BIK: variants seen among roughly 807,000 people sequenced by gnomAD.
BIK encodes the protein bcl-2-interacting killer.
In BIK, 14 loss-of-function variants were observed where a neutral mutation model predicts 12.1. That is an observed-to-expected ratio of 1.16 (90% confidence interval 0.77 to 1.81). The LOEUF (loss-of-function observed/expected upper bound fraction) is 1.81, where lower values mean the gene tolerates loss of function less well. Ranked by LOEUF, BIK falls within the 40% of genes most tolerant of loss-of-function variation. The pLI, the probability that BIK is intolerant of heterozygous loss-of-function variation, is 0.00. For missense variants in BIK, 215 were observed against 207.9 expected (o/e 1.03, Z -0.21); for synonymous variants, 86 against 92.3 (o/e 0.93, Z 0.39).
At chr22:43,124,750 G>A (rs1447155113) in intron 2 of BIK, among the ~76,000 whole-genome samples, 1 of 152,030 alleles carries the variant, frequency 6.6e-6, no homozygotes, top group Non-Finnish European at 1.5e-5. Flanking sequence ...AAAGTAGCTG[G>A]GCCTGGTGGC....
At chr22:43,127,912 G>A in intron 3 of BIK, 117 bp downstream of exon 3, 1 of 872,228 alleles carries the variant, frequency 1.1e-6, no homozygotes, top group Non-Finnish European at 1.6e-6. Context: ...GATGTGCCTT[G>A]ACACTGGGGC....
chr22:43,122,063 G>A (rs969887990), intron 1 of BIK, among the ~76,000 whole-genome samples: 27 of 152,234 alleles, frequency 1.8e-4, no homozygotes, highest in African/African-American at 4.8e-4. Flanking sequence ...AAAGCAAGTC[G>A]TGAGCACACA....
chr22:43,119,975 AAAT>A (rs1259331625), intron 1 of BIK, among the ~76,000 whole-genome samples: 1 of 152,160 alleles, frequency 6.6e-6, no homozygotes, highest in Non-Finnish European at 1.5e-5. Context: ...TCTGTGAAAA[AAAT>A]AATAATAAAA....
intron 1 of BIK, among the ~76,000 whole-genome samples, chr22:43,113,565 C>T (rs1163604727): frequency 2.6e-5 from 4 of 152,054 alleles, no homozygotes; most frequent in Admixed American, 6.6e-5. Flanking sequence ...AAAAAAATTA[C>T]GTCTTGTGTC....
intron 2 of BIK, among the ~76,000 whole-genome samples, chr22:43,127,339 C>T (rs1249334637): frequency 6.6e-6 from 1 of 152,102 alleles, no homozygotes; most frequent in Non-Finnish European, 1.5e-5. Flanking sequence ...ACCACCAGAC[C>T]TGTCCATTCC....
chr22:43,119,476 G>A (rs1212428842), intron 1 of BIK, among the ~76,000 whole-genome samples: 1 of 152,082 alleles, frequency 6.6e-6, no homozygotes, highest in Admixed American at 6.6e-5. Flanking sequence ...CTCTCTTAGC[G>A]GTTTACTCTG....
intron 1 of BIK, among the ~76,000 whole-genome samples, chr22:43,117,056 T>C (rs1930129020): frequency 6.6e-6 from 1 of 152,206 alleles, no homozygotes; most frequent in Non-Finnish European, 1.5e-5. Flanking sequence ...GCCTTAGCTC[T>C]GAAAGCCGCA....
intron 1 of BIK, among the ~76,000 whole-genome samples, chr22:43,112,459 A>C (rs961826150): frequency 6.6e-6 from 1 of 151,492 alleles, no homozygotes; most frequent in Non-Finnish European, 1.5e-5. Flanking sequence ...TCAGCCTCCC[A>C]AAGTGCTGGG....
intron 1 of BIK, among the ~76,000 whole-genome samples, chr22:43,120,027 G>A (rs1204693665): frequency 6.8e-6 from 1 of 148,100 alleles, no homozygotes; most frequent in East Asian, 1.9e-4. Context: ...GTAGGCATGG[G>A]CCGGTCTGAG....
At chr22:43,120,475 G>A (rs959839991) in intron 1 of BIK, among the ~76,000 whole-genome samples, 9 of 152,170 alleles carry the variant, frequency 5.9e-5, no homozygotes, top group African/African-American at 1.2e-4. Context: ...GGCGTGAGCC[G>A]CACTGCACCA....
Position 43,128,578 on chromosome 22 carries a change from AAGG to A in BIK, c.346_348del (p.Glu116del). On this transcript the variant is annotated inframe_deletion, in exon 4 of 5. Transcript: ENST00000216115. ...TTTCATGGACGGTTTCACCACACTT[AAGG>A]AGAACATAATGAGGTTCTGGAGATC... 1 of 1,613,954 alleles carries A rather than the reference AAGG, an allele frequency of 6.2e-7. No individual in the cohort carries two copies. Among genetic ancestry groups the A allele is most frequent in the Non-Finnish European group, 8.5e-7 (1 of 1,179,870 alleles).
chr22:43,129,470 TG>T lies in BIK; in HGVS notation c.*166del, dbSNP rs1235330922. ...GCTGAGGTTTTATACTCAGGTTTTT[TG>T]TTTTTTTTTTATTCCAGTTTTCGTT... is the stretch of plus-strand genomic sequence containing the variant. On this transcript the variant is annotated 3_prime_UTR_variant, in exon 5 of 5. Coordinates refer to ENST00000216115, the MANE Select transcript of BIK (RefSeq NM_001197.5). 2.9e-4 allele frequency: 348 copies of T among 1,213,180 alleles called. No homozygotes were observed. The African/African-American group carries it at 4.7e-3, about 16-fold the overall frequency. 75.2% of individuals were successfully genotyped at this position (1,213,180 alleles called of 1,614,324 possible). A position where few individuals can be genotyped will look rare whatever the true frequency, so the allele number is the denominator to read the frequency against.
At chr22:43,119,169 G>A (rs1252957050) in intron 1 of BIK, among the ~76,000 whole-genome samples, 3 of 151,874 alleles carry the variant, frequency 2.0e-5, no homozygotes, top group Admixed American at 6.6e-5. Context: ...TCTGACTGGC[G>A]CCTGGTGTTT....
At chr22:43,111,078 C>T (rs4988375) in intron 1 of BIK, among the ~76,000 whole-genome samples, 1 of 151,310 alleles carries the variant, frequency 6.6e-6, no homozygotes, top group Admixed American at 6.5e-5. Context: ...GGGGTGGTCC[C>T]TCTGCGTCTC....
intron 2 of BIK, among the ~76,000 whole-genome samples, chr22:43,126,225 G>A (rs1471697500): frequency 5.6e-5 from 8 of 142,766 alleles, no homozygotes; most frequent in Admixed American, 1.4e-4. Context: ...TCGCTGTGTC[G>A]CCCAGGCTGG....
At chr22:43,126,567 C>T (rs1930320978) in intron 2 of BIK, among the ~76,000 whole-genome samples, 1 of 152,108 alleles carries the variant, frequency 6.6e-6, no homozygotes, top group Admixed American at 6.6e-5. Context: ...TAGTTTCTAC[C>T]CTGAGCCTGG....
At chr22:43,114,920 G>A (rs1930082536) in intron 1 of BIK, among the ~76,000 whole-genome samples, 2 of 152,196 alleles carry the variant, frequency 1.3e-5, no homozygotes, top group Non-Finnish European at 2.9e-5. Context: ...AGGTGATACT[G>A]TCCAGTCCAG....
At chr22:43,120,166 G>A (rs1930192871) in intron 1 of BIK, among the ~76,000 whole-genome samples, 1 of 152,124 alleles carries the variant, frequency 6.6e-6, no homozygotes, top group South Asian at 2.1e-4. Flanking sequence ...CACAGGGGGA[G>A]GGCCTGTTAG....
intron 1 of BIK, among the ~76,000 whole-genome samples, chr22:43,118,583 C>A (rs751546648): frequency 6.6e-6 from 1 of 152,282 alleles, no homozygotes; most frequent in Non-Finnish European, 1.5e-5. Flanking sequence ...CCACCCCACC[C>A]TCATGGTCCA....
Sources: allele counts gnomAD v4.1 joint callset (sites outside exome capture counted in the v4.1 genomes callset), GRCh38; gene constraint gnomAD v4.1.1; transcripts MANE v1.5; gene names NCBI Gene and HGNC (gene_info 2026-07-23, HGNC 2026-07-21).